UGT2A1: variants seen among roughly 807,000 people sequenced by gnomAD.
UGT2A1 encodes the protein UDP-glucuronosyltransferase 2A1.
In UGT2A1, 61 loss-of-function variants were observed where a neutral mutation model predicts 45.4. That is an observed-to-expected ratio of 1.34 (90% CI 1.09 to 1.66). The LOEUF (loss-of-function observed/expected upper bound fraction) is 1.66, where lower values mean the gene tolerates loss of function less well. UGT2A1 is among the 40% of genes most tolerant of loss of function. UGT2A1 has a pLI of 0.00. For missense variants in UGT2A1, 649 were observed against 574.3 expected (o/e 1.13, Z -1.33); for synonymous variants, 229 against 196.2 (o/e 1.17, Z -1.40).
chr4:69,599,807 AAAAG>A (rs1719162344), intron 3 of UGT2A1: 1 of 160,560 alleles, frequency 6.2e-6, no homozygotes, highest in Non-Finnish European at 1.3e-5. Context: ...TTGTTAGTGA[AAAAG>A]AAGTAATGTG....
Position 69,595,162 on chromosome 4 carries a change from C to G in UGT2A1, c.1084G>C (p.Gly362Arg). 7 of 1,613,800 alleles carry G rather than the reference C, an allele frequency of 4.3e-6. 1 individual carries two copies. In the South Asian group the frequency reaches 6.6e-5, roughly 15 times the overall value. The change falls in exon 5 of 7, where the codon GGA (glycine) becomes CGA (arginine). Residue 362 changes from glycine (G) to arginine (R), a missense_variant and splice_region_variant. Gly to Arg is a moderately radical substitution (Grantham distance 125). Coordinates refer to ENST00000286604, the MANE Select transcript of UGT2A1 (RefSeq NM_001252275.3). The stretch of plus-strand genomic sequence containing the variant: ...AGCTTTTCTTTCCCCACAGTCTTAC[C>G]AAGAAGATCATTCTGGGGTATCCAA... ...FDWIPQNDLL[G>R]HPKTKAFITH...
rs188716784 is a variant in UGT2A1 at position 69,652,388 on chromosome 4, A to G, written c.-55+800T>C. ...AACCTCCATTTCCCGGGTTCAAGCTATTCTCCTGCCTCAGCCTCCCGAGTA... is the reference window on the plus strand; with the variant it reads ...AACCTCCATTTCCCGGGTTCAAGCTGTTCTCCTGCCTCAGCCTCCCGAGTA... On this transcript the variant is annotated intron_variant, in intron 1 of 6. Transcript: ENST00000286604. 9.6e-3 allele frequency among the ~76,000 whole-genome samples: 1,393 copies of G among 144,592 alleles called. 14 individuals carry two copies. Among genetic ancestry groups the G allele is most frequent in the Non-Finnish European group, 0.013 (867 of 67,196 alleles). The allele number at this position is 144,592 out of a possible 152,430, so 94.9% of individuals were successfully genotyped here.
chr4:69,616,398 G>C (rs2109927518), intron 3 of UGT2A1, among the ~76,000 whole-genome samples: 1 of 151,990 alleles, frequency 6.6e-6, no homozygotes, highest in East Asian at 1.9e-4. Flanking sequence ...TCCTAACATA[G>C]AAAAGATAAA....
At chr4:69,646,845 G>T (rs963178635) in intron 2 of UGT2A1, 85 bp downstream of exon 2, 2 of 946,838 alleles carry the variant, frequency 2.1e-6, no homozygotes, top group South Asian at 1.8e-5. Flanking sequence ...AATTAAAAAA[G>T]AATAGACATA....
At chr4:69,618,786 A>T (rs1403166189) in intron 3 of UGT2A1, among the ~76,000 whole-genome samples, 1 of 151,962 alleles carries the variant, frequency 6.6e-6, no homozygotes, top group Non-Finnish European at 1.5e-5. Flanking sequence ...TAAAAAATAG[A>T]AGTGAACTTT....
chr4:69,635,365 C>A (rs1443557231), intron 3 of UGT2A1, among the ~76,000 whole-genome samples: 1 of 152,178 alleles, frequency 6.6e-6, no homozygotes, highest in East Asian at 1.9e-4. Flanking sequence ...ACCCAAAAGA[C>A]ACATGCAAAA....
At chr4:69,626,696 A>T (rs1448586152) in intron 3 of UGT2A1, among the ~76,000 whole-genome samples, 5 of 151,814 alleles carry the variant, frequency 3.3e-5, no homozygotes, top group Non-Finnish European at 7.4e-5. Context: ...CATTTAAAAA[A>T]TTTTCATTAT....
intron 3 of UGT2A1, among the ~76,000 whole-genome samples, chr4:69,604,131 A>T (rs56173865): frequency 0.18 from 24,332 of 134,838 alleles, 5,752 homozygotes; most frequent in Non-Finnish European, 0.22. Flanking sequence ...TCACCAAAGT[A>T]GAAATGAAGG....
chr4:69,611,234 C>A (rs1400830541), intron 3 of UGT2A1, among the ~76,000 whole-genome samples: 1 of 151,552 alleles, frequency 6.6e-6, no homozygotes, highest in African/African-American at 2.4e-5. Context: ...CAGTCTCGAC[C>A]TCCTGGCTTC....
chr4:69,637,869 T>C (rs1385067937), intron 2 of UGT2A1, among the ~76,000 whole-genome samples: 1 of 135,452 alleles, frequency 7.4e-6, no homozygotes, highest in Non-Finnish European at 1.6e-5. Flanking sequence ...CAAGAGAGAA[T>C]GAAGGAAGAA....
rs143095727 is a variant in UGT2A1, at chr4:69,595,846, G to C, written c.997-597C>G. ...GAGTTGTAATAAAACCTAGACATTC[G>C]AATTATATTTTTAGCATAATTTCTC... On this transcript the variant is annotated intron_variant, in intron 4 of 6. Coordinates refer to ENST00000286604, the MANE Select transcript of UGT2A1 (RefSeq NM_001252275.3). Among the ~76,000 whole-genome samples, 392 of 152,136 alleles carry C rather than the reference G, an allele frequency of 2.6e-3. 1 individual carries two copies. The highest frequency in any genetic ancestry group is 9.0e-3 in the African/African-American group (373 of 41,490).
At chr4:69,607,472 G>A (rs1560475050) in intron 3 of UGT2A1, among the ~76,000 whole-genome samples, 1 of 151,878 alleles carries the variant, frequency 6.6e-6, no homozygotes, top group Non-Finnish European at 1.5e-5. Context: ...AACCCTAGAA[G>A]AAAACCTAGG....
intron 3 of UGT2A1, among the ~76,000 whole-genome samples, chr4:69,621,867 T>TG (rs1282521626): frequency 6.6e-6 from 1 of 151,666 alleles, no homozygotes; most frequent in African/African-American, 2.4e-5. Context: ...TAGATGGAGC[T>TG]GGGGGGAGGG....
At position 69,647,295 on chromosome 4, in the gene UGT2A1, T is replaced by A. The variant is rs1722317685; in HGVS notation, c.350A>T (p.Asp117Val). 3 of 1,613,402 alleles carry A rather than the reference T, an allele frequency of 1.9e-6. No homozygotes were observed. The highest frequency in any genetic ancestry group is 1.7e-6 in the Non-Finnish European group (2 of 1,179,566). Residue 117 changes from aspartate (D) to valine (V), a missense_variant, in exon 2 of 7, where the codon GAC (aspartate) becomes GTC (valine). Physicochemically the swap from Asp to Val is radical, Grantham distance 152. Transcript: ENST00000286604. ...GATCTCCTGAGACACCATGTGGAAGTCCTTGATTACTTTGGCCATCTCCTG... is the reference window on the plus strand; with the variant it reads ...GATCTCCTGAGACACCATGTGGAAGACCTTGATTACTTTGGCCATCTCCTG... ...FYQEMAKVIK[D>V]FHMVSQEICD...
intron 6 of UGT2A1, among the ~76,000 whole-genome samples, chr4:69,592,930 C>T (rs4148306): frequency 0.62 from 93,439 of 151,730 alleles, 28,978 homozygotes; most frequent in East Asian, 0.74. Context: ...TACACCATAA[C>T]TGAGTTTCTG....
Position 69,606,031 on chromosome 4 carries a change from C to T in UGT2A1, c.848-6637G>A, listed in dbSNP as rs1266085534. Among the ~76,000 whole-genome samples the T allele has an allele frequency of 2.2e-5, 3 of 136,540 alleles. 1 individual carries two copies. Among genetic ancestry groups the T allele is most frequent in the Non-Finnish European group, 4.7e-5 (3 of 64,222 alleles). The allele number at this position is 136,540 out of a possible 152,430, so 89.6% of individuals were successfully genotyped here. A position where few individuals can be genotyped will look rare whatever the true frequency, so the allele number is the denominator to read the frequency against. ...TGGTACCATTCCTTCTGAAACTATTCCAAGCAATAGAAAAAGAGGGAATCC... is the reference window on the plus strand; with the variant it reads ...TGGTACCATTCCTTCTGAAACTATTTCAAGCAATAGAAAAAGAGGGAATCC... On this transcript the variant is annotated intron_variant, in intron 3 of 6. Transcript: ENST00000286604.
At chr4:69,638,976 G>A in intron 2 of UGT2A1, 1 of 1,613,044 alleles carries the variant, frequency 6.2e-7, no homozygotes, top group Non-Finnish European at 8.5e-7. Context: ...ATAAGATATG[G>A]TATTTTTAAT....
In UGT2A1 at chr4:69,590,771, G is replaced by T. The variant is rs139163824; in HGVS notation, c.1305-1120C>A. 6.9e-3 allele frequency among the ~76,000 whole-genome samples: 1,052 copies of T among 152,120 alleles called. 15 individuals carry two copies. Among genetic ancestry groups the T allele is most frequent in the African/African-American group, 0.022 (926 of 41,506 alleles). On this transcript the variant is annotated intron_variant, in intron 6 of 6. Transcript: ENST00000286604. ...TTTGTACATGTGAATCAAAAAATAA[G>T]AAGAAGAAAGCATGTTTTCCTATAA... is the stretch of plus-strand genomic sequence containing the variant.
intron 3 of UGT2A1, among the ~76,000 whole-genome samples, chr4:69,634,897 C>A (rs1721589825): frequency 6.6e-6 from 1 of 151,994 alleles, no homozygotes; most frequent in Non-Finnish European, 1.5e-5. Flanking sequence ...TTATATTGTG[C>A]TGGAGTGTCT....
Sources: allele counts gnomAD v4.1 joint callset (sites outside exome capture counted in the v4.1 genomes callset), GRCh38; gene constraint gnomAD v4.1.1; transcripts MANE v1.5; gene names NCBI Gene and HGNC (gene_info 2026-07-23, HGNC 2026-07-21).